MYH9: variants seen among roughly 807,000 people sequenced by gnomAD.
The protein encoded by MYH9 is myosin heavy chain 9.
MYH9 carries 29 observed loss-of-function variants against 241.9 expected under a neutral mutation model. The ratio of observed to expected loss-of-function variants is 0.12; its 90% CI spans 0.09 to 0.16. MYH9 has a LOEUF of 0.16. MYH9 is among the 10% of genes least tolerant of loss of function. The pLI, the probability that MYH9 is intolerant of heterozygous loss-of-function variation, is 1.00. For synonymous variants in MYH9, 1,047 were observed against 1,062.6 expected (o/e 0.99, Z 0.29); for missense variants, 1,803 against 2,595.5 (o/e 0.69, Z 6.63).
At position 36,300,070 on chromosome 22, in the gene MYH9, C is replaced by A; in HGVS notation, c.2976+57G>T. ...GAGCCAGGCCCTGCAAGGGTGACCA[C>A]ACTCTCCCATCCACGGCGCCCCTGG... On this transcript the variant is annotated intron_variant, in intron 23 of 40. Coordinates refer to ENST00000216181, the MANE Select transcript of MYH9 (RefSeq NM_002473.6). The surrounding 1 kb of genome is among the most constrained non-coding windows in gnomAD (Gnocchi z 5.0). 6.2e-7 allele frequency: 1 copy of A among 1,600,632 alleles called. No individual in the cohort carries two copies. Among genetic ancestry groups the A allele is most frequent in the Non-Finnish European group, 8.5e-7 (1 of 1,178,266 alleles).
At position 36,305,782 on chromosome 22, in the gene MYH9, G is replaced by A; in HGVS notation, c.2159+148C>T. 8.9e-7 allele frequency: 1 copy of A among 1,124,224 alleles called. No homozygotes were observed. The highest frequency in any genetic ancestry group is 1.3e-6 in the Non-Finnish European group (1 of 752,688). The allele number at this position is 1,124,224 out of a possible 1,614,324, so 69.6% of individuals were successfully genotyped here. On this transcript the variant is annotated intron_variant, in intron 17 of 40. Coordinates refer to ENST00000216181, the MANE Select transcript of MYH9 (RefSeq NM_002473.6). This position sits in a 1 kb window ranked among gnomAD's most constrained non-coding sequence, Gnocchi z 4.7. ...CAAAGGGTGGAAAAGAGAAGGAGGTGGGGAAGAGCTGGCCAGACTCAGTTC... is the reference window on the plus strand; with the variant it reads ...CAAAGGGTGGAAAAGAGAAGGAGGTAGGGAAGAGCTGGCCAGACTCAGTTC...
At chr22:36,328,062 G>A (rs1164111666) in intron 3 of MYH9, among the ~76,000 whole-genome samples, 5 of 152,234 alleles carry the variant, frequency 3.3e-5, no homozygotes, top group South Asian at 2.1e-4. Context: ...CCTCCGCAGC[G>A]TGGGATAACA....
intron 40 of MYH9, 122 bp from the exon 41 acceptor site, chr22:36,282,907 A>G: frequency 1.2e-6 from 1 of 859,118 alleles, no homozygotes; most frequent in Non-Finnish European, 1.8e-6. Context: ...TGCTCCCACC[A>G]GAAAGAAGCA....
At chr22:36,354,804 A>T (rs2017826809) in intron 1 of MYH9, among the ~76,000 whole-genome samples, 1 of 152,064 alleles carries the variant, frequency 6.6e-6, no homozygotes, top group African/African-American at 2.4e-5. Context: ...AAAAGAACAT[A>T]CAAACACTTC....
intron 15 of MYH9, among the ~76,000 whole-genome samples, chr22:36,308,067 C>T (rs1211476361): frequency 6.6e-6 from 1 of 152,016 alleles, no homozygotes; most frequent in African/African-American, 2.4e-5. Flanking sequence ...CCTGGCCCCA[C>T]CCCCATGGAG....
Position 36,349,172 on chromosome 22 carries a change from G to A in MYH9, c.65C>T (p.Ala22Val). Residue 22 changes from alanine to valine, a missense_variant, in exon 2 of 41, where the codon GCC becomes GTC. Coordinates refer to ENST00000216181, the MANE Select transcript of MYH9 (RefSeq NM_002473.6). ...VDKNFINNPL[A>V]QADWAAKKLV... is the part of the protein sequence containing the mutation. Reference sequence around the variant, plus strand: ...CTTCTTGGCAGCCCAGTCGGCCTGGGCCAGCGGATTGTTGATGAAGTTTTT... The same window carrying A: ...CTTCTTGGCAGCCCAGTCGGCCTGGACCAGCGGATTGTTGATGAAGTTTTT... 1 of 1,614,226 alleles carries A rather than the reference G, an allele frequency of 6.2e-7. No individual in the cohort carries two copies. The highest frequency in any genetic ancestry group is 1.1e-5 in the South Asian group (1 of 91,086).
rs1324896406 is a variant in MYH9 at position 36,305,241 on chromosome 22, G to A, written c.2160-139C>T. The A allele has an allele frequency of 1.2e-6, 1 of 805,344 alleles. No homozygotes were observed. Among genetic ancestry groups the A allele is most frequent in the Non-Finnish European group, 2.1e-6 (1 of 476,682 alleles). The allele number at this position is 805,344 out of a possible 1,614,324, so 49.9% of individuals were successfully genotyped here. On this transcript the variant is annotated intron_variant, in intron 17 of 40. Transcript: ENST00000216181. This position sits in a 1 kb window ranked among gnomAD's most constrained non-coding sequence, Gnocchi z 4.7. ...TACACAAACTCTCCTAAGGAAAGAA[G>A]ACACAGGCAAATCCCACCCCACTCT...
At chr22:36,382,741 T>C (rs1184516182) in intron 1 of MYH9, among the ~76,000 whole-genome samples, 3 of 151,890 alleles carry the variant, frequency 2.0e-5, no homozygotes, top group Non-Finnish European at 4.4e-5. Context: ...AGGCAGAGGC[T>C]GCAGTGAGCC....
At chr22:36,386,563 G>T (rs1239804948) in intron 1 of MYH9, among the ~76,000 whole-genome samples, 1 of 152,198 alleles carries the variant, frequency 6.6e-6, no homozygotes, top group Non-Finnish European at 1.5e-5. Flanking sequence ...TTGAAATCCT[G>T]TTAAACCCAG....
chr22:36,316,039 T>TC (rs2017145245), intron 12 of MYH9, among the ~76,000 whole-genome samples: 1 of 149,312 alleles, frequency 6.7e-6, no homozygotes, highest in Admixed American at 6.6e-5. Context: ...CCCTGACTTT[T>TC]TTTTTTTTTT....
intron 1 of MYH9, among the ~76,000 whole-genome samples, chr22:36,370,711 G>A (rs1341327908): frequency 6.6e-6 from 1 of 152,246 alleles, no homozygotes; most frequent in African/African-American, 2.4e-5. Context: ...CACAGGCACT[G>A]GGCAGAAGGC....
intron 1 of MYH9, among the ~76,000 whole-genome samples, chr22:36,374,889 C>T (rs966682496): frequency 3.9e-5 from 6 of 152,178 alleles, no homozygotes; most frequent in Admixed American, 1.3e-4. Flanking sequence ...GGCAACTGAA[C>T]GAGGTCCCAC....
intron 1 of MYH9, among the ~76,000 whole-genome samples, chr22:36,350,726 C>G (rs2017751789): frequency 6.6e-6 from 1 of 152,196 alleles, no homozygotes; most frequent in Non-Finnish European, 1.5e-5. Context: ...AGGGGCTTCT[C>G]CATAGTCATC....
chr22:36,282,624 T>C lies in MYH9; in HGVS notation c.*44A>G. On this transcript the variant is annotated 3_prime_UTR_variant, in exon 41 of 41. Transcript: ENST00000216181. The stretch of plus-strand genomic sequence containing the variant: ...TGCGGGGTCTGGGAAGGGGAGGCTG[T>C]GGTGTCTGTCTGTCCATCCATCTCA... 1 of 1,567,256 alleles carries C rather than the reference T, an allele frequency of 6.4e-7. No homozygotes were observed. Among genetic ancestry groups the C allele is most frequent in the Non-Finnish European group, 8.8e-7 (1 of 1,138,978 alleles).
chr22:36,284,000 C>T, intron 40 of MYH9, 93 bp downstream of exon 40: 1 of 1,475,044 alleles, frequency 6.8e-7, no homozygotes. Context: ...TTCTTGGTGA[C>T]ATTCGTGCCT....
At chr22:36,301,470 T>C (rs1372919703) in intron 21 of MYH9, 64 bp downstream of exon 21, 50 of 1,605,412 alleles carry the variant, frequency 3.1e-5, no homozygotes, top group Non-Finnish European at 4.1e-5. Flanking sequence ...TGCCTACCGA[T>C]GGCCAGCAGG....
rs1385276120 is a variant in MYH9, at chr22:36,284,522, G to A, written c.5484-11C>T. On this transcript the variant is annotated splice_polypyrimidine_tract_variant and intron_variant, in intron 38 of 40. Transcript: ENST00000216181. ...GCTGCCTGGCGCTCCCTGCATGACAGACAAGGTGGCTCAGAGGGAACACCC... is the reference window on the plus strand; with the variant it reads ...GCTGCCTGGCGCTCCCTGCATGACAAACAAGGTGGCTCAGAGGGAACACCC... The A allele has an allele frequency of 6.2e-7, 1 of 1,611,320 alleles. No individual in the cohort carries two copies. The highest frequency in any genetic ancestry group is 1.1e-5 in the South Asian group (1 of 91,072).
In MYH9 at chr22:36,285,811, C is replaced by G; in HGVS notation, c.5151-30G>C. 2.5e-6 allele frequency: 4 copies of G among 1,612,672 alleles called. No individual in the cohort carries two copies. The highest frequency in any genetic ancestry group is 2.5e-6 in the Non-Finnish European group (3 of 1,179,612). On this transcript the variant is annotated intron_variant, in intron 36 of 40. Transcript: ENST00000216181. This position sits in a 1 kb window ranked among gnomAD's most constrained non-coding sequence, Gnocchi z 7.0. ...GGGGTGGGCGGGAGAAGTGAGGGGCCTACCCTGGGGACACACCTGGTCCCC... is the reference window on the plus strand; with the variant it reads ...GGGGTGGGCGGGAGAAGTGAGGGGCGTACCCTGGGGACACACCTGGTCCCC...
At position 36,297,149 on chromosome 22, in the gene MYH9, GCACCCAACTC is replaced by G. The variant is rs1286489145; in HGVS notation, c.3101-145_3101-136del. 110 of 978,486 alleles carry G rather than the reference GCACCCAACTC, an allele frequency of 1.1e-4. No individual in the cohort carries two copies. The East Asian group carries it at 2.8e-3, about 25-fold the overall frequency. The allele number at this position is 978,486 out of a possible 1,614,324, so 60.6% of individuals were successfully genotyped here. ...AAGCATCACAAACACACAGACACTC[GCACCCAACTC>G]CTGGATGCAGGAAGAGGACATCACT... On this transcript the variant is annotated intron_variant, in intron 24 of 40. Transcript: ENST00000216181.
Sources: gnomAD v4.1 joint callset for allele counts (sites outside exome capture counted in the v4.1 genomes callset) on GRCh38, gnomAD v4.1.1 for gene constraint, Gnocchi (gnomAD v3.1) non-coding constraint, MANE v1.5 for transcripts, NCBI Gene and HGNC (gene_info 2026-07-23, HGNC 2026-07-21) for gene names.